Variants in CLEC2D observed in about 807,000 individuals in gnomAD.
The protein encoded by CLEC2D is C-type lectin domain family 2 member D, also known as C-type lectin related f.
CLEC2D carries 16 observed loss-of-function variants against 20.0 expected under a neutral mutation model. That is an observed-to-expected ratio of 0.80 (90% confidence interval 0.54 to 1.22). The LOEUF (loss-of-function observed/expected upper bound fraction) is 1.22. Among genes scored for constraint, CLEC2D ranks in the 50% most tolerant of loss-of-function variants. CLEC2D has a pLI of 0.00. For synonymous variants in CLEC2D, 77 were observed against 71.1 expected (o/e 1.08, Z -0.42); for missense variants, 207 against 221.5 (o/e 0.93, Z 0.42).
At chr12:9,677,720 T>A (rs1374167120) in intron 1 of CLEC2D, among the ~76,000 whole-genome samples, 2 of 150,180 alleles carry the variant, frequency 1.3e-5, no homozygotes, top group African/African-American at 2.4e-5. Flanking sequence ...TTTTTTTTTT[T>A]TTTTTTTTAT....
chr12:9,691,235 G>A (rs897768896), intron 3 of CLEC2D, among the ~76,000 whole-genome samples: 4 of 151,990 alleles, frequency 2.6e-5, no homozygotes, highest in Admixed American at 2.6e-4. Flanking sequence ...TAAAATATAT[G>A]TACTTAATAA....
At chr12:9,678,165 A>G (rs1865562625) in intron 1 of CLEC2D, among the ~76,000 whole-genome samples, 1 of 152,154 alleles carries the variant, frequency 6.6e-6, no homozygotes, top group Admixed American at 6.6e-5. Context: ...TAGGTTTGTT[A>G]TGCGGAAACA....
At chr12:9,693,147 G>A in intron 4 of CLEC2D, 1 of 1,474,302 alleles carries the variant, frequency 6.8e-7, no homozygotes, top group African/African-American at 1.4e-5. Flanking sequence ...CTTGGCTCCA[G>A]GCTTATCTAT....
chr12:9,671,245 G>T (rs1268675489), intron 1 of CLEC2D, among the ~76,000 whole-genome samples: 1 of 152,016 alleles, frequency 6.6e-6, no homozygotes, highest in South Asian at 2.1e-4. Context: ...TTTTTTTGAG[G>T]TGGAGTCTCA....
intron 1 of CLEC2D, among the ~76,000 whole-genome samples, chr12:9,677,026 T>C (rs540969964): frequency 2.0e-5 from 3 of 148,122 alleles, no homozygotes; most frequent in Non-Finnish European, 4.5e-5. Context: ...TTAATTAGCC[T>C]GGCTAGAGCC....
chr12:9,681,414 A>G (rs779103987), intron 2 of CLEC2D, among the ~76,000 whole-genome samples: 9 of 152,204 alleles, frequency 5.9e-5, no homozygotes, highest in Admixed American at 2.0e-4. Flanking sequence ...AAAGTACACA[A>G]AACTACTAAG....
intron 2 of CLEC2D, among the ~76,000 whole-genome samples, chr12:9,684,913 T>G (rs1261212229): frequency 6.6e-6 from 1 of 152,214 alleles, no homozygotes; most frequent in Non-Finnish European, 1.5e-5. Context: ...TAGGGAGAAT[T>G]CCTTCTTTTT....
At chr12:9,671,081 A>G (rs1380874773) in intron 1 of CLEC2D, among the ~76,000 whole-genome samples, 1 of 151,954 alleles carries the variant, frequency 6.6e-6, no homozygotes, top group Non-Finnish European at 1.5e-5. Context: ...TTTTATTCTG[A>G]TGAACCATAT....
chr12:9,692,124 T>TTTCG (rs148376457), intron 3 of CLEC2D, among the ~76,000 whole-genome samples: 49 of 152,204 alleles, frequency 3.2e-4, no homozygotes, highest in East Asian at 7.7e-4. Flanking sequence ...TTTCTCTTTC[T>TTTCG]TTCGTTCGTT....
intron 1 of CLEC2D, among the ~76,000 whole-genome samples, chr12:9,678,939 G>A (rs1444772702): frequency 1.3e-5 from 2 of 152,122 alleles, no homozygotes; most frequent in Non-Finnish European, 2.9e-5. Flanking sequence ...CTTTAAAAAT[G>A]TGATTTTAGT....
rs1241218289 is a variant in CLEC2D, at chr12:9,697,999, CATT to C, written c.*3128_*3130del. The C allele has an allele frequency of 1.3e-5, 2 of 152,110 alleles. No individual in the cohort carries two copies. Among genetic ancestry groups the C allele is most frequent in the African/African-American group, 2.4e-5 (1 of 41,428 alleles). The allele number at this position is 152,110 out of a possible 1,614,324, so 9.4% of individuals were successfully genotyped here. ...TAAGTGTATGTACATAAAAACATCA[CATT>C]ATACACATCAAATATATACAATAAA... On this transcript the variant is annotated 3_prime_UTR_variant, in exon 5 of 5. Coordinates refer to ENST00000290855, the MANE Select transcript of CLEC2D (RefSeq NM_013269.6).
At chr12:9,682,411 C>T (rs1865655309) in intron 2 of CLEC2D, among the ~76,000 whole-genome samples, 1 of 152,146 alleles carries the variant, frequency 6.6e-6, no homozygotes, top group South Asian at 2.1e-4. Flanking sequence ...GATAAATGTG[C>T]AGAACCCGCA....
At position 9,699,099 on chromosome 12, in the gene CLEC2D, A is replaced by AC. The variant is rs1205537160; in HGVS notation, c.*4229dup. 1 of 151,986 alleles carries AC rather than the reference A, an allele frequency of 6.6e-6. No individual in the cohort carries two copies. The highest frequency in any genetic ancestry group is 1.5e-5 in the Non-Finnish European group (1 of 67,988). The allele number at this position is 151,986 out of a possible 1,614,324, so 9.4% of individuals were successfully genotyped here. A position where few individuals can be genotyped will look rare whatever the true frequency, so the allele number is the denominator to read the frequency against. On this transcript the variant is annotated 3_prime_UTR_variant, in exon 5 of 5. Coordinates refer to ENST00000290855, the MANE Select transcript of CLEC2D (RefSeq NM_013269.6). The stretch of plus-strand genomic sequence containing the variant: ...GTCCCAGGCCATTTATGTGATCTTC[A>AC]CCCCATTAAGTTCTCCCCAAATTAT...
At chr12:9,671,345 T>C (rs145855394) in intron 1 of CLEC2D, among the ~76,000 whole-genome samples, 3,241 of 152,198 alleles carry the variant, frequency 0.021, 118 homozygotes, top group African/African-American at 0.074. Flanking sequence ...CTCAGCCTCC[T>C]GAGTAGCTGG....
intron 3 of CLEC2D, among the ~76,000 whole-genome samples, chr12:9,691,588 A>G (rs1308531288): frequency 1.3e-5 from 2 of 152,216 alleles, no homozygotes; most frequent in African/African-American, 4.8e-5. Flanking sequence ...TGAAGCTAGA[A>G]ATCAATAACT....
chr12:9,679,597 A>T (rs775290861), intron 1 of CLEC2D, among the ~76,000 whole-genome samples: 2 of 152,240 alleles, frequency 1.3e-5, no homozygotes, highest in South Asian at 4.1e-4. Flanking sequence ...GGATTCTCTT[A>T]TGATTTCTTA....
rs745863722 is a variant in CLEC2D at position 9,696,109 on chromosome 12, A to G, written c.*1235A>G. The G allele has an allele frequency of 1.3e-5, 14 of 1,059,972 alleles. No individual in the cohort carries two copies. Among genetic ancestry groups the G allele is most frequent in the African/African-American group, 3.1e-5 (2 of 64,794 alleles). The allele number at this position is 1,059,972 out of a possible 1,614,324, so 65.7% of individuals were successfully genotyped here. ...CATTAAAGCAAAAATGCAAGCAAGT[A>G]TAGAAAAACGTGGTTCTCTTCCCAA... is the stretch of plus-strand genomic sequence containing the variant. On this transcript the variant is annotated 3_prime_UTR_variant, in exon 5 of 5. Coordinates refer to ENST00000290855, the MANE Select transcript of CLEC2D (RefSeq NM_013269.6).
intron 1 of CLEC2D, among the ~76,000 whole-genome samples, chr12:9,678,059 T>G (rs1370089172): frequency 6.6e-6 from 1 of 152,200 alleles, no homozygotes; most frequent in East Asian, 1.9e-4. Context: ...TGTTGAAATC[T>G]CCAACTATGA....
intron 2 of CLEC2D, 54 bp from the exon 3 acceptor site, chr12:9,687,848 A>G (rs1865780830): frequency 3.6e-6 from 4 of 1,105,100 alleles, no homozygotes; most frequent in Non-Finnish European, 3.7e-6. Flanking sequence ...AATTTATACA[A>G]TACAATATAA....
Sources: gnomAD v4.1 joint callset for allele counts (sites outside exome capture counted in the v4.1 genomes callset) on GRCh38, gnomAD v4.1.1 for gene constraint, MANE v1.5 for transcripts, NCBI Gene and HGNC (gene_info 2026-07-23, HGNC 2026-07-21) for gene names.